TACR1: variants seen among roughly 807,000 people sequenced by gnomAD.
The protein encoded by TACR1 is tachykinin receptor 1.
TACR1 carries 25 observed loss-of-function variants against 35.8 expected under a neutral mutation model. The observed-to-expected ratio is 0.70, with a 90% confidence interval of 0.51 to 0.98. The LOEUF is 0.98. TACR1 is among the 50% of genes least tolerant of loss of function. The probability of loss-of-function intolerance (pLI) is 0.00; values close to 1 mark genes in which losing one functional copy is unlikely to be tolerated. For missense variants in TACR1, 478 were observed against 522.9 expected (o/e 0.91, Z 0.84); for synonymous variants, 195 against 206.7 (o/e 0.94, Z 0.48).
intron 2 of TACR1, among the ~76,000 whole-genome samples, chr2:75,056,442 T>C (rs1488416991): frequency 6.6e-6 from 1 of 152,218 alleles, no homozygotes; most frequent in Non-Finnish European, 1.5e-5. Flanking sequence ...CCCCGGAGCC[T>C]GCCGAAGTTA....
chr2:75,108,191 T>A (rs115963180), intron 2 of TACR1, among the ~76,000 whole-genome samples: 1 of 152,096 alleles, frequency 6.6e-6, no homozygotes, highest in Non-Finnish European at 1.5e-5. Flanking sequence ...TCCCTAGCCT[T>A]GATACCAAAA....
intron 2 of TACR1, among the ~76,000 whole-genome samples, chr2:75,115,857 A>C (rs1373930446): frequency 7.1e-6 from 1 of 141,410 alleles, no homozygotes; most frequent in Non-Finnish European, 1.5e-5. Context: ...CAGTGAGCCG[A>C]GATCGCGCCA....
In TACR1 at chr2:75,053,672, AGT is replaced by A. The variant is rs764811476; in HGVS notation, c.666_667del (p.Leu223MetfsTer4). 3.2e-5 allele frequency: 52 copies of A among 1,611,686 alleles called. No homozygotes were observed. The highest frequency in any genetic ancestry group is 3.8e-5 in the Non-Finnish European group (45 of 1,179,068). On this transcript the variant is annotated frameshift_variant, in exon 3 of 5. Coordinates refer to ENST00000305249, the MANE Select transcript of TACR1 (RefSeq NM_001058.4). LOFTEE classifies it high-confidence loss of function. ...GTCCCCGGGGATCTCACTGGCCCAT[AGT>A]GTGATTCCCACTACGGTGTATGCAT... is the stretch of plus-strand genomic sequence containing the variant.
intron 1 of TACR1, among the ~76,000 whole-genome samples, chr2:75,121,573 T>G (rs148899443): frequency 9.2e-5 from 14 of 152,368 alleles, no homozygotes; most frequent in African/African-American, 3.1e-4. Flanking sequence ...TTTGAGTTTG[T>G]GCACAGCCCC....
chr2:75,089,931 G>C (rs1385546364), intron 2 of TACR1, among the ~76,000 whole-genome samples: 3 of 151,934 alleles, frequency 2.0e-5, no homozygotes, highest in East Asian at 3.9e-4. Context: ...TAAAATAAAT[G>C]CACCAGCAGC....
intron 2 of TACR1, among the ~76,000 whole-genome samples, chr2:75,063,442 A>C (rs1232475411): frequency 6.6e-6 from 1 of 152,214 alleles, no homozygotes; most frequent in Non-Finnish European, 1.5e-5. Context: ...TTGCATTATA[A>C]CTATTCAGCC....
At chr2:75,162,132 T>C (rs996815912) in intron 1 of TACR1, among the ~76,000 whole-genome samples, 1 of 151,626 alleles carries the variant, frequency 6.6e-6, no homozygotes, top group Non-Finnish European at 1.5e-5. Flanking sequence ...CAGGAGCGTA[T>C]TGAAAATCCA....
chr2:75,068,626 C>A (rs1360667061), intron 2 of TACR1, among the ~76,000 whole-genome samples: 3 of 152,168 alleles, frequency 2.0e-5, no homozygotes, highest in African/African-American at 7.2e-5. Flanking sequence ...ACATATATAA[C>A]CTCATTCAGT....
At chr2:75,101,919 G>A (rs1673539940) in intron 2 of TACR1, among the ~76,000 whole-genome samples, 1 of 152,028 alleles carries the variant, frequency 6.6e-6, no homozygotes, top group Admixed American at 6.6e-5. Flanking sequence ...ACTCCAGGCT[G>A]AGTGATGGAG....
At chr2:75,160,114 A>G (rs891370210) in intron 1 of TACR1, among the ~76,000 whole-genome samples, 2 of 152,230 alleles carry the variant, frequency 1.3e-5, no homozygotes, top group Non-Finnish European at 2.9e-5. Flanking sequence ...AGCAGAGAAA[A>G]GAGAAAAGAA....
intron 1 of TACR1, among the ~76,000 whole-genome samples, chr2:75,164,948 C>T (rs1301124760): frequency 6.6e-6 from 1 of 152,222 alleles, no homozygotes; most frequent in Non-Finnish European, 1.5e-5. Flanking sequence ...CCATGTGACA[C>T]TGAACTTGTC....
At chr2:75,129,129 T>G (rs1674133454) in intron 1 of TACR1, among the ~76,000 whole-genome samples, 1 of 152,162 alleles carries the variant, frequency 6.6e-6, no homozygotes, top group South Asian at 2.1e-4. Context: ...GTCTTTGAGA[T>G]TTTAATTACC....
At chr2:75,084,282 T>G (rs1398079008) in intron 2 of TACR1, among the ~76,000 whole-genome samples, 2 of 152,246 alleles carry the variant, frequency 1.3e-5, no homozygotes, top group Non-Finnish European at 2.9e-5. Flanking sequence ...GAAGCCCACT[T>G]GATCGTGGTG....
intron 1 of TACR1, among the ~76,000 whole-genome samples, chr2:75,135,243 T>C (rs1379153223): frequency 6.6e-6 from 1 of 152,220 alleles, no homozygotes; most frequent in African/African-American, 2.4e-5. Flanking sequence ...TACTTAATCT[T>C]TCTTAAAGTG....
At chr2:75,152,984 C>T (rs888879321) in intron 1 of TACR1, among the ~76,000 whole-genome samples, 1 of 152,206 alleles carries the variant, frequency 6.6e-6, no homozygotes, top group South Asian at 2.1e-4. Flanking sequence ...CTCACTGCAA[C>T]CTCTGCCTCC....
intron 2 of TACR1, among the ~76,000 whole-genome samples, chr2:75,114,107 T>G (rs1673806043): frequency 1.3e-5 from 2 of 152,324 alleles, no homozygotes; most frequent in East Asian, 3.9e-4. Context: ...AGAATTATAT[T>G]AGAGCTAACA....
chr2:75,067,877 G>A (rs1188995250), intron 2 of TACR1, among the ~76,000 whole-genome samples: 1 of 152,230 alleles, frequency 6.6e-6, no homozygotes, highest in Admixed American at 6.5e-5. Context: ...CTTAGGCCAT[G>A]CTGTCAGGAG....
chr2:75,101,153 A>T (rs978883712), intron 2 of TACR1, among the ~76,000 whole-genome samples: 2 of 152,190 alleles, frequency 1.3e-5, no homozygotes, highest in African/African-American at 4.8e-5. Flanking sequence ...AAGGAAAACA[A>T]GGTGAAAATA....
At chr2:75,141,895 C>A (rs1435785584) in intron 1 of TACR1, among the ~76,000 whole-genome samples, 1 of 152,194 alleles carries the variant, frequency 6.6e-6, no homozygotes, top group Non-Finnish European at 1.5e-5. Context: ...CTGTGAGAGT[C>A]CAACCCCAGG....
Sources: allele counts gnomAD v4.1 joint callset (sites outside exome capture counted in the v4.1 genomes callset), GRCh38; gene constraint gnomAD v4.1.1; transcripts MANE v1.5; gene names NCBI Gene and HGNC (gene_info 2026-07-23, HGNC 2026-07-21).